Variants in SDK1 observed in about 807,000 individuals in gnomAD.
The protein encoded by SDK1 is protein sidekick-1.
In SDK1, 157 loss-of-function variants were observed where a neutral mutation model predicts 245.5. The observed-to-expected ratio is 0.64, with a 90% CI of 0.56 to 0.73. SDK1 has a LOEUF of 0.73. SDK1 is among the 30% of genes least tolerant of loss of function. The pLI is 0.00. For synonymous variants in SDK1, 1,647 were observed against 1,278.5 expected (o/e 1.29, Z -6.15); for missense variants, 3,583 against 3,002.3 (o/e 1.19, Z -4.52).
intron 1 of SDK1, among the ~76,000 whole-genome samples, chr7:3,448,983 G>T (rs1448396392): frequency 6.6e-6 from 1 of 151,914 alleles, no homozygotes; most frequent in Non-Finnish European, 1.5e-5. Flanking sequence ...TAAGACCCTG[G>T]GGAAAAAAGG....
Position 4,133,945 on chromosome 7 carries a change from C to G in SDK1, c.4228+1522C>G, listed in dbSNP as rs150018087. 2.8e-3 allele frequency among the ~76,000 whole-genome samples: 424 copies of G among 152,294 alleles called. 4 individuals carry two copies. Among genetic ancestry groups the G allele is most frequent in the African/African-American group, 9.6e-3 (400 of 41,548 alleles). On this transcript the variant is annotated intron_variant, in intron 28 of 44. Transcript: ENST00000404826. ...TGCATTTGATCTTAGGATTCTAAGACTTGGTTTGAAGAAAGAGTTTCACAT... is the reference window on the plus strand; with the variant it reads ...TGCATTTGATCTTAGGATTCTAAGAGTTGGTTTGAAGAAAGAGTTTCACAT...
chr7:3,897,059 G>A (rs78697684), intron 5 of SDK1, among the ~76,000 whole-genome samples: 2,049 of 152,170 alleles, frequency 0.013, 28 homozygotes, highest in Non-Finnish European at 0.02. Context: ...ACCAGATTTC[G>A]TGAGAATTCT....
chr7:3,676,621 T>C lies in SDK1; in HGVS notation c.713+34516T>C, dbSNP rs894712220. 7.7e-4 allele frequency among the ~76,000 whole-genome samples: 118 copies of C among 152,302 alleles called. 1 individual carries two copies. Among genetic ancestry groups the C allele is most frequent in the East Asian group, 3.9e-4 (2 of 5,176 alleles). On this transcript the variant is annotated intron_variant, in intron 4 of 44. Transcript: ENST00000404826. ...ATTACAGGCGTGAGCCACCACGCCT[T>C]GCCCTCTTCTAATATTTTTTAAGCT...
At chr7:3,594,192 A>G (rs1206495736) in intron 1 of SDK1, among the ~76,000 whole-genome samples, 1 of 152,144 alleles carries the variant, frequency 6.6e-6, no homozygotes, top group Non-Finnish European at 1.5e-5. Context: ...ATTTATATTA[A>G]TGTAATCATA....
At chr7:3,757,180 A>G (rs1035748331) in intron 4 of SDK1, among the ~76,000 whole-genome samples, 3 of 152,076 alleles carry the variant, frequency 2.0e-5, no homozygotes, top group African/African-American at 7.2e-5. Flanking sequence ...GTGTCCTCAT[A>G]TACATCTGAC....
chr7:3,784,929 G>A (rs1278237697), intron 4 of SDK1, among the ~76,000 whole-genome samples: 1 of 152,226 alleles, frequency 6.6e-6, no homozygotes. Flanking sequence ...ATTATTCACA[G>A]TAGCTGAGCT....
At chr7:3,685,291 G>C (rs776243484) in intron 4 of SDK1, among the ~76,000 whole-genome samples, 1 of 151,748 alleles carries the variant, frequency 6.6e-6, no homozygotes, top group Admixed American at 6.6e-5. Flanking sequence ...AACTATGGAG[G>C]CTGGGAGGAA....
At chr7:3,906,666 C>G (rs1778952268) in intron 5 of SDK1, among the ~76,000 whole-genome samples, 1 of 113,724 alleles carries the variant, frequency 8.8e-6, no homozygotes, top group Admixed American at 1.3e-4. Flanking sequence ...CTTGTTCTGT[C>G]GCCCAGGCTG....
intron 4 of SDK1, among the ~76,000 whole-genome samples, chr7:3,661,520 G>C (rs1158259860): frequency 6.6e-6 from 1 of 152,140 alleles, no homozygotes; most frequent in African/African-American, 2.4e-5. Context: ...CCCTGGATTT[G>C]ATTTAGTCCT....
intron 4 of SDK1, among the ~76,000 whole-genome samples, chr7:3,774,065 A>G (rs1287668577): frequency 1.3e-5 from 2 of 152,086 alleles, no homozygotes; most frequent in South Asian, 2.1e-4. Context: ...ATACAAAAAA[A>G]TTAGCCAGGC....
At chr7:4,207,593 G>T (rs1013616219) in intron 36 of SDK1, among the ~76,000 whole-genome samples, 6 of 152,050 alleles carry the variant, frequency 3.9e-5, no homozygotes, top group African/African-American at 1.4e-4. Context: ...AAACTTAGAT[G>T]TCGGCTCTGA....
chr7:3,394,103 G>T (rs1375429536), intron 1 of SDK1, among the ~76,000 whole-genome samples: 1 of 151,660 alleles, frequency 6.6e-6, no homozygotes, highest in Non-Finnish European at 1.5e-5. Flanking sequence ...GGTAGTCTTG[G>T]ATAAGATCCA....
intron 5 of SDK1, among the ~76,000 whole-genome samples, chr7:3,830,542 C>G (rs1259601767): frequency 6.6e-6 from 1 of 152,146 alleles, no homozygotes; most frequent in African/African-American, 2.4e-5. Flanking sequence ...GTCACCCAGG[C>G]TGGAGTGCAG....
At chr7:3,450,805 T>G (rs1780491227) in intron 1 of SDK1, among the ~76,000 whole-genome samples, 1 of 151,908 alleles carries the variant, frequency 6.6e-6, no homozygotes, top group Admixed American at 6.6e-5. Flanking sequence ...AATAATTGCA[T>G]GAAGAGAGAA....
intron 2 of SDK1, among the ~76,000 whole-genome samples, chr7:3,627,158 G>T (rs150945924): frequency 4.0e-4 from 61 of 152,086 alleles, no homozygotes; most frequent in African/African-American, 1.3e-3. Flanking sequence ...CAAACTCCTG[G>T]GCTCAAATGA....
At chr7:4,093,102 G>T (rs1584105060) in intron 22 of SDK1, among the ~76,000 whole-genome samples, 1 of 151,914 alleles carries the variant, frequency 6.6e-6, no homozygotes, top group East Asian at 1.9e-4. Flanking sequence ...TTGATGCTCA[G>T]ATGTGGGTTG....
chr7:3,888,300 A>T (rs1284304554), intron 5 of SDK1, among the ~76,000 whole-genome samples: 2 of 152,170 alleles, frequency 1.3e-5, no homozygotes, highest in Non-Finnish European at 2.9e-5. Context: ...TGCTGTTTTC[A>T]TCATATTGTC....
At chr7:3,329,758 A>G (rs1383557815) in intron 1 of SDK1, among the ~76,000 whole-genome samples, 1 of 152,208 alleles carries the variant, frequency 6.6e-6, no homozygotes, top group East Asian at 1.9e-4. Flanking sequence ...CAGATTAAGA[A>G]TACTTAAAAA....
rs573168070 is a variant in SDK1, at chr7:3,626,360, G to C, written c.458+7121G>C. 4.6e-5 allele frequency among the ~76,000 whole-genome samples: 7 copies of C among 152,234 alleles called. No individual in the cohort carries two copies. In the East Asian group the frequency reaches 7.7e-4, roughly 17 times the overall value. The stretch of plus-strand genomic sequence containing the variant: ...TGAAAGAGTCCCTTCTAAGAAGATA[G>C]TCAGCTATAGTTTCTAACAAGGACT... On this transcript the variant is annotated intron_variant, in intron 2 of 44. Coordinates refer to ENST00000404826, the MANE Select transcript of SDK1 (RefSeq NM_152744.4).
Sources: gnomAD v4.1 joint callset for allele counts (sites outside exome capture counted in the v4.1 genomes callset) on GRCh38, gnomAD v4.1.1 for gene constraint, MANE v1.5 for transcripts, NCBI Gene and HGNC (gene_info 2026-07-23, HGNC 2026-07-21) for gene names.